Variants in DDC observed in about 807,000 individuals in gnomAD.
DDC encodes dopa decarboxylase.
In DDC, 43 loss-of-function variants were observed where a neutral mutation model predicts 60.0. The ratio of observed to expected loss-of-function variants is 0.72; its 90% confidence interval spans 0.56 to 0.92. DDC has a LOEUF of 0.92. Ranked by LOEUF, DDC falls within the 40% of genes least tolerant of loss-of-function variation. The pLI is 0.00. For synonymous variants in DDC, 232 were observed against 234.6 expected (o/e 0.99, Z 0.10); for missense variants, 573 against 620.2 (o/e 0.92, Z 0.81).
chr7:50,463,140 G>T, intron 14 of DDC, 73 bp downstream of exon 14: 1 of 1,226,770 alleles, frequency 8.2e-7, no homozygotes, highest in Non-Finnish European at 1.2e-6. Context: ...CCTGTAGCTG[G>T]GTCTGGACTC....
intron 4 of DDC, among the ~76,000 whole-genome samples, chr7:50,529,828 C>T (rs1171469200): frequency 6.6e-6 from 1 of 152,150 alleles, no homozygotes; most frequent in African/African-American, 2.4e-5. Flanking sequence ...CCTAATGACA[C>T]GGGCTGAATT....
intron 6 of DDC, among the ~76,000 whole-genome samples, chr7:50,513,005 C>A (rs1177843365): frequency 6.6e-6 from 1 of 152,218 alleles, no homozygotes; most frequent in African/African-American, 2.4e-5. Flanking sequence ...GATTGCAGCA[C>A]TGGACAGAGC....
chr7:50,559,853 C>A (rs1456074601), intron 1 of DDC, among the ~76,000 whole-genome samples: 1 of 152,174 alleles, frequency 6.6e-6, no homozygotes. Flanking sequence ...TCTTGAAGAG[C>A]AGAAAACAAA....
At chr7:50,498,423 C>A (rs958687733) in intron 8 of DDC, among the ~76,000 whole-genome samples, 1 of 152,206 alleles carries the variant, frequency 6.6e-6, no homozygotes, top group Non-Finnish European at 1.5e-5. Flanking sequence ...CTCTCAGGAC[C>A]CTCTATGGCA....
intron 8 of DDC, among the ~76,000 whole-genome samples, chr7:50,497,537 A>T (rs1302099227): frequency 6.6e-6 from 1 of 152,180 alleles, no homozygotes; most frequent in Admixed American, 6.5e-5. Context: ...CCCAGGACAG[A>T]TGTTTCAAAT....
chr7:50,467,751 G>A (rs2042430416), intron 12 of DDC, among the ~76,000 whole-genome samples: 1 of 152,170 alleles, frequency 6.6e-6, no homozygotes, highest in Admixed American at 6.5e-5. Context: ...TCCCCATTTT[G>A]GAGATAAGAA....
At chr7:50,540,855 G>A (rs2044607602) in intron 2 of DDC, among the ~76,000 whole-genome samples, 1 of 152,242 alleles carries the variant, frequency 6.6e-6, no homozygotes, top group Non-Finnish European at 1.5e-5. Flanking sequence ...CAGGAGGCAA[G>A]GGTTGTGGTG....
At chr7:50,482,069 G>A (rs915231725) in intron 9 of DDC, among the ~76,000 whole-genome samples, 1 of 152,180 alleles carries the variant, frequency 6.6e-6, no homozygotes, top group Non-Finnish European at 1.5e-5. Flanking sequence ...TAGTGGCAGC[G>A]CCCGTCGGCC....
chr7:50,463,523 A>C, intron 13 of DDC, 92 bp from the exon 14 acceptor site: 1 of 1,079,694 alleles, frequency 9.3e-7, no homozygotes, highest in Non-Finnish European at 1.4e-6. Context: ...TGGCAACCCT[A>C]CCGTACATCA....
chr7:50,513,117 T>C (rs1452579774), intron 6 of DDC, among the ~76,000 whole-genome samples: 1 of 152,122 alleles, frequency 6.6e-6, no homozygotes, highest in Non-Finnish European at 1.5e-5. Context: ...GGAAGTGAAA[T>C]GCTCCTGCAG....
rs193013188 is a variant in DDC at position 50,528,605 on chromosome 7, C to T, written c.571-325G>A. Among the ~76,000 whole-genome samples, 45 of 152,232 alleles carry T rather than the reference C, an allele frequency of 3.0e-4. No individual in the cohort carries two copies. In the East Asian group the frequency reaches 6.0e-3, roughly 20 times the overall value. On this transcript the variant is annotated intron_variant, in intron 5 of 14. Transcript: ENST00000444124. ...TGGCGAGACCCTGGAAAGTAGATCC[C>T]AGAGGTGGACTTAGAAATCCTAGGC...
chr7:50,480,667 G>A (rs2042748204), intron 9 of DDC, among the ~76,000 whole-genome samples: 1 of 152,216 alleles, frequency 6.6e-6, no homozygotes, highest in East Asian at 1.9e-4. Flanking sequence ...CCCAGCTGGT[G>A]TCTGCAGAGT....
At chr7:50,521,981 G>GA (rs55723646) in intron 6 of DDC, among the ~76,000 whole-genome samples, 110,365 of 151,706 alleles carry the variant, frequency 0.73, 40,435 homozygotes, top group East Asian at 0.8. Context: ...TGGAAGGAAA[G>GA]AAAAAAAGTA....
At chr7:50,464,883 A>G (rs1468203297) in intron 13 of DDC, among the ~76,000 whole-genome samples, 3 of 152,248 alleles carry the variant, frequency 2.0e-5, no homozygotes, top group Non-Finnish European at 4.4e-5. Flanking sequence ...GAGTGAGGCC[A>G]AGATGGCAGA....
intron 1 of DDC, among the ~76,000 whole-genome samples, chr7:50,550,506 G>A (rs1053599272): frequency 6.6e-6 from 1 of 152,148 alleles, no homozygotes; most frequent in African/African-American, 2.4e-5. Context: ...AATTTAGAAA[G>A]TTTATTTTGC....
chr7:50,467,146 G>T, intron 13 of DDC, 68 bp downstream of exon 13: 1 of 1,336,404 alleles, frequency 7.5e-7, no homozygotes, highest in Middle Eastern at 1.8e-4. Context: ...GAGCATGGAG[G>T]TAATGAACAA....
intron 2 of DDC, 68 bp downstream of exon 2, chr7:50,543,817 G>T: frequency 2.1e-6 from 3 of 1,453,256 alleles, no homozygotes; most frequent in Non-Finnish European, 1.9e-6. Flanking sequence ...TATGTGAATT[G>T]CTCAGAGCCA....
Position 50,463,231 on chromosome 7 carries a change from CT to C in DDC, c.1442del (p.Ter481TrpfsTer50), listed in dbSNP as rs2042321738. The part of the protein sequence containing the change: ...AADVLRAERE[*>X] The stretch of plus-strand genomic sequence containing the variant: ...AGCCTACCTGCAGCTGGCTTCACTC[CT>C]ACTCCCTCTCTGCTCGCAGCACGTC... On this transcript the variant is annotated frameshift_variant and stop_lost, in exon 14 of 15. Transcript: ENST00000444124. LOFTEE classifies it high-confidence loss of function. 1 of 1,609,758 alleles carries C rather than the reference CT, an allele frequency of 6.2e-7. No individual in the cohort carries two copies. The highest frequency in any genetic ancestry group is 8.5e-7 in the Non-Finnish European group (1 of 1,178,268).
rs180673519 is a variant in DDC, at chr7:50,490,786, G to A, written c.944+4564C>T. The stretch of plus-strand genomic sequence containing the variant: ...TAAAAACAACAACAACAAAAAGAGC[G>A]AGAGAGCAAACCTATATGGCAAATG... On this transcript the variant is annotated intron_variant, in intron 9 of 14. Transcript: ENST00000444124. 1.7e-3 allele frequency among the ~76,000 whole-genome samples: 255 copies of A among 152,328 alleles called. 2 individuals are homozygous for A. The highest frequency in any genetic ancestry group is 5.9e-3 in the African/African-American group (247 of 41,568).
Sources: allele counts gnomAD v4.1 joint callset (sites outside exome capture counted in the v4.1 genomes callset), GRCh38; gene constraint gnomAD v4.1.1; transcripts MANE v1.5; gene names NCBI Gene and HGNC (gene_info 2026-07-23, HGNC 2026-07-21).